ASCC3: variants seen among roughly 807,000 people sequenced by gnomAD.
The protein encoded by ASCC3 is activating signal cointegrator 1 complex subunit 3.
In ASCC3, 158 loss-of-function variants were observed where a neutral mutation model predicts 256.3. The ratio of observed to expected loss-of-function variants is 0.62; its 90% CI spans 0.54 to 0.70. The LOEUF (loss-of-function observed/expected upper bound fraction) is 0.70. Among genes scored for constraint, ASCC3 ranks in the 30% least tolerant of loss-of-function variants. ASCC3 has a pLI of 0.00. For missense variants in ASCC3, 2,259 were observed against 2,626.0 expected (o/e 0.86, Z 3.05); for synonymous variants, 948 against 883.4 (o/e 1.07, Z -1.30).
intron 10 of ASCC3, among the ~76,000 whole-genome samples, chr6:100,737,792 A>G (rs950084637): frequency 1.3e-5 from 2 of 152,186 alleles, no homozygotes; most frequent in Non-Finnish European, 2.9e-5. Flanking sequence ...TAGGTCTTTG[A>G]GGAATCACCA....
At chr6:100,715,383 G>T in intron 13 of ASCC3, 79 bp downstream of exon 13, 2 of 1,300,916 alleles carry the variant, frequency 1.5e-6, no homozygotes, top group East Asian at 2.5e-5. Context: ...TCTGAAGAGC[G>T]TAAATATTAA....
At chr6:100,834,627 T>C (rs1276117921) in intron 4 of ASCC3, among the ~76,000 whole-genome samples, 1 of 152,096 alleles carries the variant, frequency 6.6e-6, no homozygotes, top group Admixed American at 6.5e-5. Context: ...GAGACAGATA[T>C]AAGAAAGAGG....
At chr6:100,546,898 T>C (rs775604352) in intron 36 of ASCC3, among the ~76,000 whole-genome samples, 1 of 152,062 alleles carries the variant, frequency 6.6e-6, no homozygotes, top group Non-Finnish European at 1.5e-5. Context: ...TGGAAAAAAA[T>C]ATCTAGTGTT....
At position 100,627,946 on chromosome 6, in the gene ASCC3, T is replaced by C. The variant is rs1326425971; in HGVS notation, c.4417A>G (p.Thr1473Ala). Reference sequence around the variant, plus strand: ...TCTGTGTGTGATGAGATAAAATTTGTTCGAGATACAATGACCTCTAGAACA... The same window carrying C: ...TCTGTGTGTGATGAGATAAAATTTGCTCGAGATACAATGACCTCTAGAACA... ...GPVLEVIVSR[T>A]NFISSHTEKP... The change falls in exon 28 of 42, where the codon ACA becomes GCA. Residue 1473 changes from threonine to alanine, a missense_variant. Around this residue, in one of 2 missense-constraint regions of ASCC3, gnomAD observed 1,839 missense variants for 2,206.7 expected, o/e 0.83. Coordinates refer to ENST00000369162, the MANE Select transcript of ASCC3 (RefSeq NM_006828.4). 3.7e-6 allele frequency: 6 copies of C among 1,613,478 alleles called. No individual in the cohort carries two copies. The highest frequency in any genetic ancestry group is 5.1e-6 in the Non-Finnish European group (6 of 1,179,788).
intron 14 of ASCC3, among the ~76,000 whole-genome samples, chr6:100,669,236 ATT>A (rs1456877220): frequency 6.7e-6 from 1 of 149,432 alleles, no homozygotes; most frequent in Non-Finnish European, 1.5e-5. Flanking sequence ...AAAGAAATAT[ATT>A]TTTCTTTTCT....
intron 3 of ASCC3, among the ~76,000 whole-genome samples, chr6:100,854,802 C>T (rs967001405): frequency 3.9e-5 from 6 of 152,124 alleles, no homozygotes; most frequent in Non-Finnish European, 8.8e-5. Flanking sequence ...ATAAAACCAT[C>T]ATTTTGAGCA....
intron 37 of ASCC3, among the ~76,000 whole-genome samples, chr6:100,528,143 T>C (rs1386639074): frequency 1.3e-5 from 2 of 152,146 alleles, no homozygotes; most frequent in African/African-American, 4.8e-5. Context: ...GGCCCATACA[T>C]ATCTTAAGGT....
At chr6:100,641,100 T>C (rs1775101930) in intron 24 of ASCC3, among the ~76,000 whole-genome samples, 1 of 152,210 alleles carries the variant, frequency 6.6e-6, no homozygotes, top group Non-Finnish European at 1.5e-5. Flanking sequence ...TTAGGATTTT[T>C]TGAAATAGAG....
At position 100,798,973 on chromosome 6, in the gene ASCC3, A is replaced by C. The variant is rs539748461; in HGVS notation, c.1270-135T>G. 2.4e-5 allele frequency: 20 copies of C among 846,960 alleles called. No homozygotes were observed. In the African/African-American group the frequency reaches 3.8e-4, roughly 16 times the overall value. The allele number at this position is 846,960 out of a possible 1,614,324, so 52.5% of individuals were successfully genotyped here. The stretch of plus-strand genomic sequence containing the variant: ...CTGGTAAATAAACTTAGCTAATTTA[A>C]AAGAAAACAAACTTAAATAAAACAA... On this transcript the variant is annotated intron_variant, in intron 7 of 41. Transcript: ENST00000369162.
At chr6:100,633,386 G>C (rs1774655395) in intron 25 of ASCC3, among the ~76,000 whole-genome samples, 1 of 151,922 alleles carries the variant, frequency 6.6e-6, no homozygotes, top group African/African-American at 2.4e-5. Flanking sequence ...ACTTAGTAAT[G>C]GCCCCAAAGC....
intron 30 of ASCC3, among the ~76,000 whole-genome samples, chr6:100,624,182 G>A (rs1334359687): frequency 6.6e-6 from 1 of 151,458 alleles, no homozygotes; most frequent in East Asian, 1.9e-4. Context: ...TAATACAGCA[G>A]GTGAAAGATT....
chr6:100,584,515 G>A (rs532114363), intron 36 of ASCC3, among the ~76,000 whole-genome samples: 14 of 152,152 alleles, frequency 9.2e-5, no homozygotes, highest in South Asian at 2.1e-4. Flanking sequence ...AACACAGCAC[G>A]CTGATGGGTC....
At chr6:100,846,232 G>C (rs960432400) in intron 4 of ASCC3, among the ~76,000 whole-genome samples, 2 of 152,060 alleles carry the variant, frequency 1.3e-5, no homozygotes, top group African/African-American at 4.8e-5. Context: ...GAAAACTCCT[G>C]AAGTATCACT....
chr6:100,684,223 C>T (rs1777448424), intron 13 of ASCC3, among the ~76,000 whole-genome samples: 1 of 152,148 alleles, frequency 6.6e-6, no homozygotes, highest in Non-Finnish European at 1.5e-5. Context: ...ATTGTTTAAT[C>T]TCTTCAATTC....
chr6:100,756,171 A>C (rs1204111976), intron 10 of ASCC3, among the ~76,000 whole-genome samples: 2 of 152,112 alleles, frequency 1.3e-5, no homozygotes, highest in African/African-American at 4.8e-5. Flanking sequence ...TCACTTGGCC[A>C]AAATTTTGTT....
intron 10 of ASCC3, among the ~76,000 whole-genome samples, chr6:100,760,150 C>T (rs1224376512): frequency 6.6e-6 from 1 of 152,120 alleles, no homozygotes; most frequent in Non-Finnish European, 1.5e-5. Context: ...ATTTCTTTCT[C>T]TTGCCTGATT....
chr6:100,802,773 G>A (rs1039786786), intron 5 of ASCC3, among the ~76,000 whole-genome samples: 10 of 152,030 alleles, frequency 6.6e-5, no homozygotes, highest in Admixed American at 6.6e-4. Context: ...GCTGAGGTGG[G>A]AGGACTGCTT....
chr6:100,761,056 G>T (rs1183285955), intron 10 of ASCC3, among the ~76,000 whole-genome samples: 2 of 152,102 alleles, frequency 1.3e-5, no homozygotes, highest in Non-Finnish European at 2.9e-5. Context: ...GGAAACTAAA[G>T]ATAAAGAAAG....
intron 8 of ASCC3, among the ~76,000 whole-genome samples, chr6:100,784,644 T>G (rs898430782): frequency 7.9e-5 from 12 of 152,052 alleles, no homozygotes; most frequent in Admixed American, 3.9e-4. Context: ...TTAAATATAT[T>G]AATACAAAAA....
Sources: gnomAD v4.1 joint callset for allele counts (sites outside exome capture counted in the v4.1 genomes callset) on GRCh38, gnomAD v4.1.1 for gene constraint, gnomAD v4.1.1 regional missense constraint, MANE v1.5 for transcripts, NCBI Gene and HGNC (gene_info 2026-07-23, HGNC 2026-07-21) for gene names.